FAXC: variants seen among roughly 807,000 people sequenced by gnomAD.
FAXC encodes failed axon connections homolog.
A neutral mutation model predicts 41.9 loss-of-function variants in FAXC; 10 were observed. That is an observed-to-expected ratio of 0.24 (90% confidence interval 0.15 to 0.41). The LOEUF (loss-of-function observed/expected upper bound fraction) is 0.41. FAXC is among the 10% of genes least tolerant of loss of function. FAXC has a pLI of 1.00. For missense variants in FAXC, 399 were observed against 510.9 expected (o/e 0.78, Z 2.11); for synonymous variants, 183 against 183.8 (o/e 1.00, Z 0.03).
At chr6:99,288,669 T>C (rs1020161950) in intron 5 of FAXC, among the ~76,000 whole-genome samples, 1 of 152,178 alleles carries the variant, frequency 6.6e-6, no homozygotes, top group African/African-American at 2.4e-5. Context: ...TAAATGACAG[T>C]CCATACTATC....
Position 99,333,354 on chromosome 6 carries a change from T to G in FAXC, c.596A>C (p.Tyr199Ser), listed in dbSNP as rs781535572. 2 of 1,610,272 alleles carry G rather than the reference T, an allele frequency of 1.2e-6. No individual in the cohort carries two copies. The highest frequency in any genetic ancestry group is 2.2e-5 in the East Asian group (1 of 44,860). ...GGACACCCCAGAGGGGACTCACCAG[T>G]AGAAGTGCTCCTCCACCATCTTGGT... Reference protein sequence around the residue: ...AVTKMVEEHFYWTLAYCQWVD... With the variant: ...AVTKMVEEHFSWTLAYCQWVD... Residue 199 changes from tyrosine to serine, a missense_variant, in exon 3 of 6, where the codon TAC (tyrosine) becomes TCC (serine). Physicochemically the swap from Tyr to Ser is moderately radical, Grantham distance 144. Around this residue, in one of 3 missense-constraint regions of FAXC, gnomAD observed 239 missense variants for 352.7 expected, o/e 0.68. Coordinates refer to ENST00000389677, the MANE Select transcript of FAXC (RefSeq NM_032511.4).
chr6:99,330,630 G>A lies in FAXC; in HGVS notation c.599+2721C>T, dbSNP rs115908826. The stretch of plus-strand genomic sequence containing the variant: ...GCCTGGGGTGTTTTTAAGGTTTCAG[G>A]CCAACATAAACATATGAAAACTCCA... On this transcript the variant is annotated intron_variant, in intron 3 of 5. Coordinates refer to ENST00000389677, the MANE Select transcript of FAXC (RefSeq NM_032511.4). 5.2e-3 allele frequency among the ~76,000 whole-genome samples: 794 copies of A among 152,202 alleles called. 4 individuals are homozygous for A. The highest frequency in any genetic ancestry group is 0.018 in the African/African-American group (757 of 41,510).
intron 4 of FAXC, among the ~76,000 whole-genome samples, chr6:99,312,957 A>G (rs1772203149): frequency 1.3e-5 from 2 of 152,216 alleles, no homozygotes; most frequent in Admixed American, 6.5e-5. Flanking sequence ...AATTTGATTG[A>G]CAGAGAAGTG....
At chr6:99,326,406 C>T (rs1480106999) in intron 3 of FAXC, among the ~76,000 whole-genome samples, 1 of 151,988 alleles carries the variant, frequency 6.6e-6, no homozygotes, top group Non-Finnish European at 1.5e-5. Context: ...GGTATTTTCT[C>T]CTAAAATGAT....
In FAXC at chr6:99,277,896, G is replaced by C. The variant is rs1343873346; in HGVS notation, c.*3268C>G. On this transcript the variant is annotated 3_prime_UTR_variant, in exon 6 of 6. Coordinates refer to ENST00000389677, the MANE Select transcript of FAXC (RefSeq NM_032511.4). ...CTGAGCCAATAAGGTGCTTTCTACA[G>C]CTAATTTTTAGCACAGCTATACATT... The C allele has an allele frequency of 2.0e-5, 3 of 152,158 alleles. No individual in the cohort carries two copies. The East Asian group carries it at 5.8e-4, about 29-fold the overall frequency. 9.4% of individuals were successfully genotyped at this position (152,158 alleles called of 1,614,324 possible). A position where few individuals can be genotyped will look rare whatever the true frequency, so the allele number is the denominator to read the frequency against.
At chr6:99,313,649 A>G (rs937495795) in intron 4 of FAXC, among the ~76,000 whole-genome samples, 1 of 152,178 alleles carries the variant, frequency 6.6e-6, no homozygotes, top group Non-Finnish European at 1.5e-5. Context: ...TAAGTTTCCC[A>G]TATTTTATTC....
At chr6:99,314,242 T>C (rs1020701245) in intron 4 of FAXC, among the ~76,000 whole-genome samples, 12 of 151,958 alleles carry the variant, frequency 7.9e-5, no homozygotes, top group African/African-American at 2.9e-4. Flanking sequence ...CCTCCCCCTC[T>C]ACACATACAC....
chr6:99,308,778 T>G lies in FAXC; in HGVS notation c.823+14666A>C, dbSNP rs113255899. On this transcript the variant is annotated intron_variant, in intron 4 of 5. Transcript: ENST00000389677. ...AAAATAAACAGGATACAAAGAGATG[T>G]GTATCCATAAAAATATGTATGTGGA... 1.8e-3 allele frequency among the ~76,000 whole-genome samples: 281 copies of G among 152,294 alleles called. 2 individuals carry two copies. Among genetic ancestry groups the G allele is most frequent in the African/African-American group, 6.5e-3 (269 of 41,564 alleles).
intron 4 of FAXC, among the ~76,000 whole-genome samples, chr6:99,315,398 G>C (rs976902277): frequency 1.3e-4 from 20 of 152,038 alleles, no homozygotes; most frequent in Non-Finnish European, 1.6e-4. Flanking sequence ...CAAGTGCTGA[G>C]ATTTTATAAA....
At chr6:99,319,932 G>A (rs1455985080) in intron 4 of FAXC, among the ~76,000 whole-genome samples, 2 of 152,074 alleles carry the variant, frequency 1.3e-5, no homozygotes, top group Admixed American at 6.6e-5. Flanking sequence ...CATTATATCA[G>A]CTACATAATC....
intron 2 of FAXC, among the ~76,000 whole-genome samples, chr6:99,335,305 G>A (rs1773177063): frequency 6.6e-6 from 1 of 152,186 alleles, no homozygotes. Flanking sequence ...AATCATAAGT[G>A]TTAGAAATAA....
At chr6:99,317,252 A>G (rs1562170627) in intron 4 of FAXC, among the ~76,000 whole-genome samples, 1 of 152,054 alleles carries the variant, frequency 6.6e-6, no homozygotes, top group Non-Finnish European at 1.5e-5. Flanking sequence ...AAAAGAGATC[A>G]TTTCTCCTTA....
chr6:99,317,655 T>C (rs1473264754), intron 4 of FAXC, among the ~76,000 whole-genome samples: 2 of 152,200 alleles, frequency 1.3e-5, no homozygotes, highest in Admixed American at 1.3e-4. Context: ...TTTCTGTGCC[T>C]CGTTTTTCTT....
rs1472946653 is a variant in FAXC, at chr6:99,274,566, T to C, written c.*6598A>G. ...CATCAACATTTGAGTTGTCAGACAT[T>C]TGGCATGATGTAGATCACTGGGAAA... is the stretch of plus-strand genomic sequence containing the variant. On this transcript the variant is annotated 3_prime_UTR_variant, in exon 6 of 6. Coordinates refer to ENST00000389677, the MANE Select transcript of FAXC (RefSeq NM_032511.4). 1 of 152,218 alleles carries C rather than the reference T, an allele frequency of 6.6e-6. No homozygotes were observed. Among genetic ancestry groups the C allele is most frequent in the Non-Finnish European group, 1.5e-5 (1 of 68,044 alleles). 9.4% of individuals were successfully genotyped at this position (152,218 alleles called of 1,614,324 possible). A position where few individuals can be genotyped will look rare whatever the true frequency, so the allele number is the denominator to read the frequency against.
chr6:99,291,643 T>C (rs540668700), intron 5 of FAXC, 61 bp downstream of exon 5: 6 of 1,175,102 alleles, frequency 5.1e-6, no homozygotes, highest in East Asian at 2.3e-5. Context: ...TCCACTGTGC[T>C]ACCCCACTGC....
At position 99,273,924 on chromosome 6, in the gene FAXC, G is replaced by C. The variant is rs1770506260; in HGVS notation, c.*7240C>G. ...CATAAATAAATACATGGAGGGGCAT[G>C]CTCAGAAAGTTTTACTAATAGGGTG... On this transcript the variant is annotated 3_prime_UTR_variant, in exon 6 of 6. Transcript: ENST00000389677. 6.6e-6 allele frequency: 1 copy of C among 152,090 alleles called. No homozygotes were observed. The highest frequency in any genetic ancestry group is 1.5e-5 in the Non-Finnish European group (1 of 68,004). 9.4% of individuals were successfully genotyped at this position (152,090 alleles called of 1,614,324 possible). A position where few individuals can be genotyped will look rare whatever the true frequency, so the allele number is the denominator to read the frequency against.
chr6:99,317,261 T>C (rs1253284296), intron 4 of FAXC, among the ~76,000 whole-genome samples: 1 of 152,206 alleles, frequency 6.6e-6, no homozygotes, highest in East Asian at 1.9e-4. Context: ...CATTTCTCCT[T>C]AAGCATTTCA....
intron 4 of FAXC, among the ~76,000 whole-genome samples, chr6:99,317,176 GA>G (rs934450995): frequency 5.2e-5 from 4 of 76,324 alleles, no homozygotes; most frequent in Non-Finnish European, 9.8e-5. Context: ...CTGGAAATCA[GA>G]TTTTTTTTTT....
In FAXC at chr6:99,342,844, A is replaced by G; in HGVS notation, c.402+54T>C. ...GAAATATTCCCCCCTTTAGTTAAAT[A>G]CTCATCCCCTGATACTGATGTCATA... On this transcript the variant is annotated intron_variant, in intron 2 of 5. Coordinates refer to ENST00000389677, the MANE Select transcript of FAXC (RefSeq NM_032511.4). The G allele has an allele frequency of 2.0e-6, 3 of 1,520,790 alleles. No individual in the cohort carries two copies. In the South Asian group the frequency reaches 4.0e-5, roughly 20 times the overall value. 94.2% of individuals were successfully genotyped at this position (1,520,790 alleles called of 1,614,324 possible). A position where few individuals can be genotyped will look rare whatever the true frequency, so the allele number is the denominator to read the frequency against.
Sources: allele counts gnomAD v4.1 joint callset (sites outside exome capture counted in the v4.1 genomes callset), GRCh38; gene constraint gnomAD v4.1.1; regional missense constraint gnomAD v4.1.1; transcripts MANE v1.5; gene names NCBI Gene and HGNC (gene_info 2026-07-23, HGNC 2026-07-21).